PTPRN2: variants seen among roughly 807,000 people sequenced by gnomAD.
PTPRN2 encodes protein tyrosine phosphatase receptor type N2, also known as receptor-type tyrosine-protein phosphatase N2.
Under a neutral mutation model 118.8 loss-of-function variants are expected in PTPRN2, and 74 were observed. The observed-to-expected ratio is 0.62, with a 90% CI of 0.52 to 0.76. The LOEUF is 0.76. PTPRN2 is among the 30% of genes least tolerant of loss of function. PTPRN2 has a pLI of 0.00. For missense variants in PTPRN2, 1,481 were observed against 1,394.4 expected, an observed-to-expected ratio of 1.06 and a Z score of -0.99; for synonymous variants, 641 against 608.0, an observed-to-expected ratio of 1.05 and a Z score of -0.80.
chr7:158,244,288 G>A (rs1796062229), intron 3 of PTPRN2, among the ~76,000 whole-genome samples: 2 of 152,250 alleles, frequency 1.3e-5, no homozygotes, highest in African/African-American at 4.8e-5. Context: ...GGGGGTAGTA[G>A]CACAGAAGTT....
At position 157,713,638 on chromosome 7, in the gene PTPRN2, A is replaced by C. The variant is rs117745136; in HGVS notation, c.1789-30701T>G. On this transcript the variant is annotated intron_variant, in intron 12 of 22. Coordinates refer to ENST00000389418, the MANE Select transcript of PTPRN2 (RefSeq NM_002847.5). The stretch of plus-strand genomic sequence containing the variant: ...GATCTCACCAGGGACCAAGGCAAGC[A>C]CACTGGTCTGCGGTTCCCACAATCT... Among the ~76,000 whole-genome samples, 71 of 152,328 alleles carry C rather than the reference A, an allele frequency of 4.7e-4. No individual in the cohort carries two copies. In the East Asian group the frequency reaches 0.01, roughly 22 times the overall value.
At chr7:158,499,130 C>G (rs1822169520) in intron 1 of PTPRN2, among the ~76,000 whole-genome samples, 1 of 152,208 alleles carries the variant, frequency 6.6e-6, no homozygotes, top group Admixed American at 6.5e-5. Flanking sequence ...CTTATCATCT[C>G]AAGACCCCCT....
intron 2 of PTPRN2, among the ~76,000 whole-genome samples, chr7:158,327,336 C>G (rs1803701929): frequency 6.6e-6 from 1 of 151,278 alleles, no homozygotes. Context: ...CACACACGTG[C>G]TCACACATGC....
chr7:157,940,867 G>A (rs1800040593), intron 11 of PTPRN2, among the ~76,000 whole-genome samples: 1 of 41,034 alleles, frequency 2.4e-5, no homozygotes, highest in Non-Finnish European at 3.5e-5. Flanking sequence ...CCACAACACT[G>A]CAAATCTAAC....
chr7:157,631,044 G>A (rs930195462), intron 14 of PTPRN2, among the ~76,000 whole-genome samples: 3 of 152,172 alleles, frequency 2.0e-5, no homozygotes, highest in African/African-American at 7.2e-5. Context: ...CTTTCTCTGA[G>A]AGTTTTGTCT....
At chr7:158,331,801 A>ACC (rs1476571821) in intron 2 of PTPRN2, among the ~76,000 whole-genome samples, 1 of 150,836 alleles carries the variant, frequency 6.6e-6, no homozygotes, top group African/African-American at 2.5e-5. Flanking sequence ...CATCACTCAC[A>ACC]CCCACACTGT....
chr7:158,337,569 ATTGGT>A (rs1563168007), intron 2 of PTPRN2, among the ~76,000 whole-genome samples: 7 of 140,028 alleles, frequency 5.0e-5, no homozygotes, highest in Admixed American at 1.4e-4. Context: ...TCTCACCATA[ATTGGT>A]GACACCTGCA....
chr7:158,342,389 T>C (rs10236280), intron 2 of PTPRN2, among the ~76,000 whole-genome samples: 2 of 118,250 alleles, frequency 1.7e-5, no homozygotes, highest in Admixed American at 8.6e-5. Context: ...AGCTGACATC[T>C]GCAGACGTCA....
chr7:158,303,827 G>A (rs766521068), intron 3 of PTPRN2, among the ~76,000 whole-genome samples: 3 of 152,224 alleles, frequency 2.0e-5, no homozygotes, highest in Non-Finnish European at 4.4e-5. Context: ...TATAACGTCA[G>A]GGCTGACAAC....
chr7:158,573,769 A>G (rs1012255522), intron 1 of PTPRN2, among the ~76,000 whole-genome samples: 2 of 152,186 alleles, frequency 1.3e-5, no homozygotes, highest in African/African-American at 4.8e-5. Context: ...GATGTCCTAA[A>G]AATTAAGCTT....
intron 12 of PTPRN2, chr7:157,865,963 A>C (rs1336813481): frequency 6.6e-6 from 1 of 152,392 alleles, no homozygotes; most frequent in Non-Finnish European, 1.5e-5. Flanking sequence ...GCATTGCGGC[A>C]ACTGACAGAT....
At chr7:158,136,158 C>T (rs777426292) in intron 8 of PTPRN2, among the ~76,000 whole-genome samples, 3 of 152,198 alleles carry the variant, frequency 2.0e-5, no homozygotes, top group Non-Finnish European at 2.9e-5. Flanking sequence ...ACTAACGTGC[C>T]GCCGACCTGA....
At chr7:157,582,823 G>A (rs904927254) in intron 17 of PTPRN2, among the ~76,000 whole-genome samples, 5 of 151,646 alleles carry the variant, frequency 3.3e-5, no homozygotes, top group African/African-American at 1.2e-4. Flanking sequence ...GCAGTGAGCC[G>A]AGACCGTGTC....
At chr7:158,299,037 T>C (rs947799933) in intron 3 of PTPRN2, among the ~76,000 whole-genome samples, 11 of 152,164 alleles carry the variant, frequency 7.2e-5, no homozygotes, top group African/African-American at 2.4e-4. Flanking sequence ...CAGCAGGATG[T>C]TCATGACCTC....
intron 15 of PTPRN2, among the ~76,000 whole-genome samples, chr7:157,614,649 G>A (rs879522356): frequency 4.6e-5 from 7 of 152,120 alleles, no homozygotes; most frequent in Non-Finnish European, 1.0e-4. Context: ...CCTGTGTGAC[G>A]ACCCCAACCC....
intron 10 of PTPRN2, 40 bp downstream of exon 10, chr7:158,110,787 AGC>A: frequency 6.5e-7 from 1 of 1,530,358 alleles, no homozygotes; most frequent in Non-Finnish European, 8.9e-7. Flanking sequence ...TCTGCGACCA[AGC>A]AACAGGAGCC....
intron 2 of PTPRN2, among the ~76,000 whole-genome samples, chr7:158,325,171 C>T (rs966298277): frequency 1.3e-5 from 2 of 151,678 alleles, no homozygotes; most frequent in African/African-American, 4.9e-5. Flanking sequence ...GTCCCCCAGG[C>T]CCCACAATCT....
chr7:157,997,855 AGGGCTG>A (rs1804877284), intron 11 of PTPRN2, among the ~76,000 whole-genome samples: 2 of 73,732 alleles, frequency 2.7e-5, no homozygotes, highest in Non-Finnish European at 2.6e-5. Flanking sequence ...AGTGGAGTGC[AGGGCTG>A]GGGGAGAGTA....
At chr7:158,340,256 G>C (rs536702066) in intron 2 of PTPRN2, among the ~76,000 whole-genome samples, 1 of 91,576 alleles carries the variant, frequency 1.1e-5, no homozygotes, top group East Asian at 3.3e-4. Flanking sequence ...CTCACTATAA[G>C]AGGTGACACC....
Sources: gnomAD v4.1 joint callset for allele counts (sites outside exome capture counted in the v4.1 genomes callset) on GRCh38, gnomAD v4.1.1 for gene constraint, MANE v1.5 for transcripts, NCBI Gene and HGNC (gene_info 2026-07-23, HGNC 2026-07-21) for gene names.